Variants in THSD7A observed in about 807,000 individuals in gnomAD.
THSD7A encodes the protein thrombospondin type 1 domain containing 7A.
Under a neutral mutation model 231.3 loss-of-function variants are expected in THSD7A, and 96 were observed. The observed-to-expected ratio is 0.41, with a 90% CI of 0.35 to 0.49. The LOEUF is 0.49. Among genes scored for constraint, THSD7A ranks in the 20% least tolerant of loss-of-function variants. The pLI, the probability that THSD7A is intolerant of heterozygous loss-of-function variation, is 0.05. For missense variants in THSD7A, 2,290 were observed against 2,070.2 expected, an observed-to-expected ratio of 1.11 and a Z score of -2.06; for synonymous variants, 940 against 743.3, an observed-to-expected ratio of 1.26 and a Z score of -4.30.
At chr7:11,678,152 C>G (rs1449581511) in intron 1 of THSD7A, among the ~76,000 whole-genome samples, 1 of 152,054 alleles carries the variant, frequency 6.6e-6, no homozygotes, top group Non-Finnish European at 1.5e-5. Context: ...CCAATGAGAA[C>G]AAGGGCATAA....
At chr7:11,418,874 G>A (rs796613625) in intron 16 of THSD7A, among the ~76,000 whole-genome samples, 22 of 151,494 alleles carry the variant, frequency 1.5e-4, no homozygotes, top group African/African-American at 5.1e-4. Flanking sequence ...ACAAAAATAT[G>A]CAAAGTAGAT....
intron 1 of THSD7A, among the ~76,000 whole-genome samples, chr7:11,757,373 T>G (rs183983662): frequency 6.6e-6 from 1 of 152,134 alleles, no homozygotes; most frequent in African/African-American, 2.4e-5. Context: ...CAACAAATGT[T>G]AAGGCATTTA....
In THSD7A at chr7:11,552,158, G is replaced by A. The variant is rs190617932; in HGVS notation, c.1454-9041C>T. The stretch of plus-strand genomic sequence containing the variant: ...GAAAAACAGACATCAGGGCCTACCT[G>A]AGGGTGTAAGGTGGGAAGAGGGTGA... On this transcript the variant is annotated intron_variant, in intron 4 of 27. Coordinates refer to ENST00000423059, the MANE Select transcript of THSD7A (RefSeq NM_015204.3). Among the ~76,000 whole-genome samples the A allele has an allele frequency of 1.3e-3, 194 of 152,176 alleles. 1 individual carries two copies. The highest frequency in any genetic ancestry group is 9.5e-3 in the Admixed American group (145 of 15,250).
chr7:11,606,174 T>C (rs966710053), intron 2 of THSD7A, among the ~76,000 whole-genome samples: 1 of 152,130 alleles, frequency 6.6e-6, no homozygotes, highest in Non-Finnish European at 1.5e-5. Context: ...GTGGCATCCA[T>C]GTGCATGATC....
chr7:11,715,952 G>A (rs562022204), intron 1 of THSD7A, among the ~76,000 whole-genome samples: 1 of 151,498 alleles, frequency 6.6e-6, no homozygotes, highest in Non-Finnish European at 1.5e-5. Context: ...TAAAAATCTG[G>A]GAGAAACCCA....
intron 10 of THSD7A, among the ~76,000 whole-genome samples, chr7:11,461,426 G>A (rs1008465294): frequency 3.9e-5 from 6 of 152,054 alleles, no homozygotes; most frequent in Admixed American, 6.6e-5. Context: ...AAATGTATAC[G>A]TCAGATTTCT....
At chr7:11,685,227 G>A (rs1779995408) in intron 1 of THSD7A, among the ~76,000 whole-genome samples, 1 of 151,782 alleles carries the variant, frequency 6.6e-6, no homozygotes, top group Non-Finnish European at 1.5e-5. Flanking sequence ...ATTAATTTAA[G>A]ATGGATTAAA....
chr7:11,699,053 T>C (rs895916922), intron 1 of THSD7A, among the ~76,000 whole-genome samples: 1 of 150,398 alleles, frequency 6.6e-6, no homozygotes, highest in Non-Finnish European at 1.5e-5. Flanking sequence ...AGAGCCAGAA[T>C]AGTCCAAATA....
rs200851205 is a variant in THSD7A, at chr7:11,382,476, G to T, written c.4507+45C>A. On this transcript the variant is annotated intron_variant, in intron 24 of 27. Coordinates refer to ENST00000423059, the MANE Select transcript of THSD7A (RefSeq NM_015204.3). ...ATTTTCTTCAACCAATCACATGTGT[G>T]TTACAGGAAGATTTTCAAAGGACAA... 1.6e-4 allele frequency: 224 copies of T among 1,444,514 alleles called. No homozygotes were observed. The African/African-American group carries it at 2.8e-3, about 18-fold the overall frequency. The allele number at this position is 1,444,514 out of a possible 1,614,324, so 89.5% of individuals were successfully genotyped here.
intron 2 of THSD7A, among the ~76,000 whole-genome samples, chr7:11,629,202 C>T (rs1213125915): frequency 6.6e-6 from 1 of 152,168 alleles, no homozygotes; most frequent in Non-Finnish European, 1.5e-5. Flanking sequence ...ATACACTGCT[C>T]AGAGGTCAGC....
chr7:11,381,377 C>T (rs1782509241), intron 24 of THSD7A, among the ~76,000 whole-genome samples: 1 of 152,142 alleles, frequency 6.6e-6, no homozygotes, highest in South Asian at 2.1e-4. Flanking sequence ...AAAAAATTGA[C>T]ATCCTGATCC....
Position 11,831,975 on chromosome 7 carries a change from G to A in THSD7A, c.-29C>T. ...GCCTGCAGCCACTCCAGGGTCCAGA[G>A]CCGTAGCACGCTCGGCAGGGAATTT... On this transcript the variant is annotated 5_prime_UTR_variant, in exon 1 of 28. Coordinates refer to ENST00000423059, the MANE Select transcript of THSD7A (RefSeq NM_015204.3). The surrounding 1 kb of genome is among the most constrained non-coding windows in gnomAD (Gnocchi z 5.0). The A allele has an allele frequency of 8.2e-7, 1 of 1,218,974 alleles. No homozygotes were observed. The highest frequency in any genetic ancestry group is 1.0e-6 in the Non-Finnish European group (1 of 979,380). The allele number at this position is 1,218,974 out of a possible 1,614,324, so 75.5% of individuals were successfully genotyped here.
intron 1 of THSD7A, among the ~76,000 whole-genome samples, chr7:11,682,551 G>A (rs939855792): frequency 2.0e-5 from 3 of 151,924 alleles, no homozygotes; most frequent in Non-Finnish European, 4.4e-5. Flanking sequence ...ATGATAAAAG[G>A]ATTTAATTAT....
At chr7:11,541,325 T>A (rs16876888) in intron 6 of THSD7A, 94 bp downstream of exon 6, 30 of 1,193,028 alleles carry the variant, frequency 2.5e-5, no homozygotes, top group Non-Finnish European at 3.7e-5. Flanking sequence ...CAGAATCAGT[T>A]ATAATGCGAG....
At chr7:11,476,516 C>T (rs1161645834) in intron 7 of THSD7A, among the ~76,000 whole-genome samples, 1 of 152,020 alleles carries the variant, frequency 6.6e-6, no homozygotes, top group East Asian at 1.9e-4. Context: ...TATAATGTTA[C>T]TCAAGATTGT....
intron 6 of THSD7A, among the ~76,000 whole-genome samples, chr7:11,503,808 AAC>A (rs922481034): frequency 6.6e-6 from 1 of 152,220 alleles, no homozygotes; most frequent in African/African-American, 2.4e-5. Context: ...GTTAAAAAAT[AAC>A]AGATGCTGGC....
rs143236342 is a variant in THSD7A at position 11,443,287 on chromosome 7, G to C, written c.3064+2774C>G. On this transcript the variant is annotated intron_variant, in intron 13 of 27. Transcript: ENST00000423059. Reference sequence around the variant, plus strand: ...ATTCCAAAATAAACACATCTTTTAAGTGATCTTCAATTTTATATTTTAATG... The same window carrying C: ...ATTCCAAAATAAACACATCTTTTAACTGATCTTCAATTTTATATTTTAATG... Among the ~76,000 whole-genome samples the C allele has an allele frequency of 2.4e-3, 365 of 152,120 alleles. 1 individual carries two copies. Among genetic ancestry groups the C allele is most frequent in the African/African-American group, 8.4e-3 (349 of 41,536 alleles).
At chr7:11,514,752 C>T (rs780830051) in intron 6 of THSD7A, among the ~76,000 whole-genome samples, 1 of 152,088 alleles carries the variant, frequency 6.6e-6, no homozygotes. Context: ...ACTACGTGTG[C>T]TTACTTTATT....
chr7:11,716,483 G>A (rs1478519658), intron 1 of THSD7A, among the ~76,000 whole-genome samples: 1 of 151,612 alleles, frequency 6.6e-6, no homozygotes, highest in African/African-American at 2.4e-5. Flanking sequence ...TTAAGCCACA[G>A]ATTCCTGCTT....
Sources: allele counts gnomAD v4.1 joint callset (sites outside exome capture counted in the v4.1 genomes callset), GRCh38; gene constraint gnomAD v4.1.1; non-coding constraint Gnocchi (gnomAD v3.1); transcripts MANE v1.5; gene names NCBI Gene and HGNC (gene_info 2026-07-23, HGNC 2026-07-21).